Variants in PCDH15 observed in about 807,000 individuals in gnomAD.
PCDH15 encodes protocadherin-15.
A neutral mutation model predicts 178.5 loss-of-function variants in PCDH15; 129 were observed. The observed-to-expected ratio is 0.72, with a 90% CI of 0.63 to 0.84. The LOEUF is 0.84. Among genes scored for constraint, PCDH15 ranks in the 40% least tolerant of loss-of-function variants. PCDH15 has a pLI of 0.00. For missense variants in PCDH15, 2,230 were observed against 2,099.9 expected (o/e 1.06, Z -1.21); for synonymous variants, 800 against 732.0 (o/e 1.09, Z -1.50).
intron 2 of PCDH15, among the ~76,000 whole-genome samples, chr10:55,480,659 C>A (rs1840159896): frequency 6.6e-6 from 1 of 151,766 alleles, no homozygotes; most frequent in Non-Finnish European, 1.5e-5. Context: ...GTTGAACCAA[C>A]CTTGCATTCT....
chr10:54,278,317 G>T (rs2058465133), intron 8 of PCDH15, among the ~76,000 whole-genome samples: 1 of 151,422 alleles, frequency 6.6e-6, no homozygotes, highest in African/African-American at 2.4e-5. Flanking sequence ...TTTAGTAATT[G>T]CCTAGTCAGT....
rs1022930176 is a variant in PCDH15, at chr10:53,826,042, C to CT, written c.4367+1350dup. 4.6e-5 allele frequency among the ~76,000 whole-genome samples: 7 copies of CT among 151,226 alleles called. No homozygotes were observed. In the East Asian group the frequency reaches 5.8e-4, roughly 13 times the overall value. ...TAAACACACAACTTTACACATAATC[C>CT]TTTTTTTTAGTTTCTAAAGATCTTT... On this transcript the variant is annotated intron_variant, in intron 32 of 37. Transcript: ENST00000644397.
chr10:53,850,101 A>C (rs2078260137), intron 28 of PCDH15, among the ~76,000 whole-genome samples: 1 of 152,062 alleles, frequency 6.6e-6, no homozygotes, highest in African/African-American at 2.4e-5. Flanking sequence ...CACGTAAAAT[A>C]AAACCTTTTA....
chr10:53,972,566 C>A (rs1461383316), intron 21 of PCDH15, among the ~76,000 whole-genome samples: 4 of 152,176 alleles, frequency 2.6e-5, no homozygotes, highest in Admixed American at 1.3e-4. Flanking sequence ...TATCCAGAAT[C>A]TACAAAGAAC....
At chr10:54,366,891 T>C (rs1378280959) in intron 5 of PCDH15, among the ~76,000 whole-genome samples, 1 of 152,110 alleles carries the variant, frequency 6.6e-6, no homozygotes, top group East Asian at 1.9e-4. Flanking sequence ...AACTTACCAG[T>C]TCAACAATGT....
intron 26 of PCDH15, among the ~76,000 whole-genome samples, chr10:53,872,922 G>A: frequency 6.6e-6 from 1 of 152,144 alleles, no homozygotes; most frequent in Non-Finnish European, 1.5e-5. Flanking sequence ...AGGAGCAGCT[G>A]ACACGTATCT....
chr10:54,813,472 T>C (rs1000720323), intron 3 of PCDH15, among the ~76,000 whole-genome samples: 1 of 152,206 alleles, frequency 6.6e-6, no homozygotes, highest in South Asian at 2.1e-4. Context: ...GATACCCCCA[T>C]CTATGCAGTT....
chr10:54,993,672 G>GA (rs59483103), intron 2 of PCDH15, among the ~76,000 whole-genome samples: 1 of 152,130 alleles, frequency 6.6e-6, no homozygotes, highest in African/African-American at 2.4e-5. Context: ...GTTTTGCTGT[G>GA]AAAAAACACA....
At chr10:54,341,844 T>G (rs1216337874) in intron 6 of PCDH15, among the ~76,000 whole-genome samples, 1 of 152,212 alleles carries the variant, frequency 6.6e-6, no homozygotes, top group East Asian at 1.9e-4. Context: ...AAGAGACTGG[T>G]GGCATTTTGC....
intron 3 of PCDH15, among the ~76,000 whole-genome samples, chr10:54,841,321 G>T (rs1953413269): frequency 6.6e-6 from 1 of 151,752 alleles, no homozygotes; most frequent in Admixed American, 6.6e-5. Flanking sequence ...CAACCAATGA[G>T]CAAAAGAAGA....
intron 14 of PCDH15, among the ~76,000 whole-genome samples, chr10:54,134,066 C>A (rs562118268): frequency 7.4e-6 from 1 of 134,384 alleles, no homozygotes; most frequent in Non-Finnish European, 1.6e-5. Flanking sequence ...TTATTTGAGA[C>A]GGAGAGTTGC....
At chr10:55,084,294 G>T (rs1428449041) in intron 2 of PCDH15, among the ~76,000 whole-genome samples, 1 of 151,528 alleles carries the variant, frequency 6.6e-6, no homozygotes, top group Non-Finnish European at 1.5e-5. Flanking sequence ...TCTCATTTTT[G>T]AATAAGGCGC....
chr10:54,626,624 G>A (rs2093558632), intron 2 of PCDH15, among the ~76,000 whole-genome samples: 1 of 152,194 alleles, frequency 6.6e-6, no homozygotes, highest in African/African-American at 2.4e-5. Flanking sequence ...GGAAATGCCT[G>A]GATGTCCAGG....
chr10:53,884,565 C>G (rs2080958952), intron 26 of PCDH15, among the ~76,000 whole-genome samples: 1 of 152,114 alleles, frequency 6.6e-6, no homozygotes, highest in Non-Finnish European at 1.5e-5. Context: ...GGTTCAGAAA[C>G]AGATAATACC....
intron 2 of PCDH15, among the ~76,000 whole-genome samples, chr10:55,158,099 C>CAT (rs1838947285): frequency 3.8e-5 from 1 of 26,504 alleles, no homozygotes; most frequent in African/African-American, 1.2e-4. Context: ...TATATATATA[C>CAT]ACATATCTTT....
At chr10:54,220,142 G>T (rs1021605815) in intron 9 of PCDH15, among the ~76,000 whole-genome samples, 1 of 152,182 alleles carries the variant, frequency 6.6e-6, no homozygotes, top group African/African-American at 2.4e-5. Flanking sequence ...ACCCAAAATG[G>T]TGAAGATAAT....
intron 17 of PCDH15, among the ~76,000 whole-genome samples, chr10:54,073,920 C>T (rs1204874385): frequency 1.3e-5 from 2 of 152,158 alleles, no homozygotes; most frequent in Non-Finnish European, 1.5e-5. Flanking sequence ...CCCACTGTTG[C>T]TACTTACAGA....
chr10:55,446,201 A>G (rs1163812960), intron 2 of PCDH15, among the ~76,000 whole-genome samples: 3 of 151,436 alleles, frequency 2.0e-5, no homozygotes, highest in Admixed American at 2.0e-4. Context: ...ACTCACACGA[A>G]CACACACACA....
intron 1 of PCDH15, among the ~76,000 whole-genome samples, chr10:55,304,657 T>C (rs1434296877): frequency 6.6e-6 from 1 of 152,150 alleles, no homozygotes; most frequent in Non-Finnish European, 1.5e-5. Flanking sequence ...GTGTACAAGT[T>C]CTGAACTAAT....
Sources: allele counts gnomAD v4.1 joint callset (sites outside exome capture counted in the v4.1 genomes callset), GRCh38; gene constraint gnomAD v4.1.1; transcripts MANE v1.5; gene names NCBI Gene and HGNC (gene_info 2026-07-23, HGNC 2026-07-21).